The following LPA variants were observed in gnomAD, a reference collection of about 807,000 sequenced individuals.
LPA encodes the protein lipoprotein(a).
A neutral mutation model predicts 197.9 loss-of-function variants in LPA; 199 were observed. The ratio of observed to expected loss-of-function variants is 1.01; its 90% confidence interval spans 0.90 to 1.13. The LOEUF (loss-of-function observed/expected upper bound fraction) is 1.13. Ranked by LOEUF, LPA falls within the 50% of genes most tolerant of loss-of-function variation. The probability of loss-of-function intolerance (pLI) is 0.00; values close to 1 mark genes in which losing one functional copy is unlikely to be tolerated. For synonymous variants in LPA, 715 were observed against 639.5 expected, an observed-to-expected ratio of 1.12 and a Z score of -1.78; for missense variants, 1,853 against 1,785.8, an observed-to-expected ratio of 1.04 and a Z score of -0.68.
chr6:160,648,132 C>G (rs1028321026), intron 2 of LPA, among the ~76,000 whole-genome samples: 1 of 152,160 alleles, frequency 6.6e-6, no homozygotes, highest in African/African-American at 2.4e-5. Context: ...GCTCTTCTTT[C>G]TTACGTTTAT....
chr6:160,575,409 G>A (rs1486706827), intron 28 of LPA, among the ~76,000 whole-genome samples: 1 of 152,130 alleles, frequency 6.6e-6, no homozygotes, highest in Admixed American at 6.5e-5. Context: ...AATGCTTCTT[G>A]TATGTCTAGT....
At chr6:160,555,506 CAT>C (rs1013887061) in intron 30 of LPA, among the ~76,000 whole-genome samples, 11 of 141,360 alleles carry the variant, frequency 7.8e-5, no homozygotes, top group African/African-American at 1.8e-4. Context: ...TCTGTATGAA[CAT>C]ATATATATGA....
chr6:160,657,902 G>A (rs1470127823), intron 1 of LPA, among the ~76,000 whole-genome samples: 1 of 152,048 alleles, frequency 6.6e-6, no homozygotes, highest in East Asian at 1.9e-4. Context: ...AGAGTATAAT[G>A]CACCTCCTCA....
At chr6:160,593,726 G>T (rs1352764134) in intron 22 of LPA, among the ~76,000 whole-genome samples, 5 of 152,184 alleles carry the variant, frequency 3.3e-5, no homozygotes, top group Admixed American at 2.0e-4. Context: ...CTATTCATGA[G>T]AACTCACCAC....
chr6:160,635,533 A>C (rs1390586396), intron 6 of LPA, among the ~76,000 whole-genome samples: 14 of 120,716 alleles, frequency 1.2e-4, no homozygotes, highest in African/African-American at 5.0e-4. Flanking sequence ...AAAAATCTAA[A>C]GTAGCAAACG....
At chr6:160,602,293 A>G (rs1779259274) in intron 18 of LPA, among the ~76,000 whole-genome samples, 1 of 152,180 alleles carries the variant, frequency 6.6e-6, no homozygotes, top group Non-Finnish European at 1.5e-5. Flanking sequence ...AGAATTCAAA[A>G]TTTTATGATT....
At chr6:160,607,861 A>C (rs1408740545) in intron 16 of LPA, among the ~76,000 whole-genome samples, 3 of 152,074 alleles carry the variant, frequency 2.0e-5, no homozygotes, top group Non-Finnish European at 4.4e-5. Context: ...TTATTATACA[A>C]TATACCTCAG....
chr6:160,565,622 C>T (rs1317416811), intron 28 of LPA, among the ~76,000 whole-genome samples: 6 of 152,216 alleles, frequency 3.9e-5, no homozygotes, highest in Non-Finnish European at 8.8e-5. Flanking sequence ...GCCTCTTCTC[C>T]TCCGAAGGAA....
chr6:160,579,038 T>G (rs1778740186), intron 26 of LPA, among the ~76,000 whole-genome samples: 1 of 152,142 alleles, frequency 6.6e-6, no homozygotes, highest in African/African-American at 2.4e-5. Flanking sequence ...ATGACACAGA[T>G]TTTGAAATAT....
intron 1 of LPA, among the ~76,000 whole-genome samples, chr6:160,651,588 A>G (rs569323367): frequency 4.8e-4 from 73 of 152,344 alleles, no homozygotes; most frequent in South Asian, 2.3e-3. Context: ...ATTTACTGCA[A>G]TCTCTACTGT....
At position 160,586,493 on chromosome 6, in the gene LPA, G is replaced by C. The variant is rs377407747; in HGVS notation, c.4085C>G (p.Pro1362Arg). ...TGTGCTTGGAACTGGGACCACCGTG[G>C]GAGTTGTGAGGAGAGTTGATTCCAT... is the stretch of plus-strand genomic sequence containing the variant. Reference protein sequence around the residue: ...PVMESTLLTTPTVVPVPSTEL... With the variant: ...PVMESTLLTTRTVVPVPSTEL... Residue 1362 changes from proline to arginine, a missense_variant, in exon 25 of 39, where the codon CCC becomes CGC. By Grantham distance (103) the Pro-to-Arg change is moderately radical. Coordinates refer to ENST00000316300, the MANE Select transcript of LPA (RefSeq NM_005577.4). 6.2e-7 allele frequency: 1 copy of C among 1,613,622 alleles called. No homozygotes were observed. Among genetic ancestry groups the C allele is most frequent in the African/African-American group, 1.3e-5 (1 of 74,878 alleles).
At chr6:160,581,427 A>C (rs1778799799) in intron 26 of LPA, among the ~76,000 whole-genome samples, 1 of 152,010 alleles carries the variant, frequency 6.6e-6, no homozygotes, top group Non-Finnish European at 1.5e-5. Flanking sequence ...AGCTTCCTGA[A>C]TAGCTGGGAC....
intron 1 of LPA, among the ~76,000 whole-genome samples, chr6:160,657,181 C>T (rs1780146777): frequency 1.3e-5 from 2 of 152,138 alleles, no homozygotes; most frequent in African/African-American, 4.8e-5. Context: ...GTGCTGCTCT[C>T]ACAAATCTAT....
chr6:160,573,878 C>T (rs953186107), intron 28 of LPA, among the ~76,000 whole-genome samples: 1 of 152,060 alleles, frequency 6.6e-6, no homozygotes, highest in East Asian at 1.9e-4. Flanking sequence ...TGGTTTAATG[C>T]TCTATTTTTG....
At chr6:160,602,423 T>C (rs968249470) in intron 18 of LPA, among the ~76,000 whole-genome samples, 6 of 152,202 alleles carry the variant, frequency 3.9e-5, no homozygotes, top group Non-Finnish European at 7.3e-5. Context: ...CCCCACATGA[T>C]TTAGTCTATA....
chr6:160,605,708 G>C lies in LPA; in HGVS notation c.2786-503C>G, dbSNP rs117834984. 1.6e-3 allele frequency among the ~76,000 whole-genome samples: 248 copies of C among 152,274 alleles called. 6 individuals are homozygous for C. The East Asian group carries it at 0.037, about 23-fold the overall frequency. ...AAGGTCTTCAGCTTCTGGGCCATGG[G>C]AGAGACAACAGTCCTTCGTCTAGGA... On this transcript the variant is annotated intron_variant, in intron 17 of 38. Transcript: ENST00000316300.
intron 16 of LPA, among the ~76,000 whole-genome samples, chr6:160,609,276 C>A (rs780348363): frequency 5.9e-5 from 9 of 152,068 alleles, no homozygotes; most frequent in Non-Finnish European, 1.2e-4. Flanking sequence ...CATGGATGAT[C>A]TTCAAGGCAT....
chr6:160,586,162 T>A (rs1778906005), intron 25 of LPA, among the ~76,000 whole-genome samples: 1 of 152,080 alleles, frequency 6.6e-6, no homozygotes, highest in Non-Finnish European at 1.5e-5. Context: ...TGTTAGAATA[T>A]CCATCTTGGC....
At chr6:160,662,064 G>A (rs1026558525) in intron 1 of LPA, among the ~76,000 whole-genome samples, 2 of 152,138 alleles carry the variant, frequency 1.3e-5, no homozygotes, top group Non-Finnish European at 2.9e-5. Context: ...ATGTTGCTAG[G>A]AAATATCCCA....
Sources: gnomAD v4.1 joint callset for allele counts (sites outside exome capture counted in the v4.1 genomes callset) on GRCh38, gnomAD v4.1.1 for gene constraint, MANE v1.5 for transcripts, NCBI Gene and HGNC (gene_info 2026-07-23, HGNC 2026-07-21) for gene names.